The following DOK6 variants were observed in gnomAD, a reference collection of about 807,000 sequenced individuals.
DOK6 encodes docking protein 6.
A neutral mutation model predicts 44.0 loss-of-function variants in DOK6; 22 were observed. The ratio of observed to expected loss-of-function variants is 0.50; its 90% CI spans 0.36 to 0.71. The LOEUF (loss-of-function observed/expected upper bound fraction) is 0.71, where lower values mean the gene tolerates loss of function less well. Ranked by LOEUF, DOK6 falls within the 30% of genes least tolerant of loss-of-function variation. The pLI, the probability that DOK6 is intolerant of heterozygous loss-of-function variation, is 0.00. For missense variants in DOK6, 340 were observed against 416.4 expected (o/e 0.82, Z 1.60); for synonymous variants, 166 against 145.5 (o/e 1.14, Z -1.01).
chr18:69,455,760 C>T (rs1013454555), intron 1 of DOK6, among the ~76,000 whole-genome samples: 3 of 152,136 alleles, frequency 2.0e-5, no homozygotes, highest in Admixed American at 2.0e-4. Flanking sequence ...GGCAGTCCTT[C>T]TCCTTCAGTA....
chr18:69,456,920 A>AT (rs574243101), intron 1 of DOK6, among the ~76,000 whole-genome samples: 66 of 151,960 alleles, frequency 4.3e-4, no homozygotes, highest in Non-Finnish European at 9.0e-4. Flanking sequence ...AGCATTTTTC[A>AT]TGTTTGTTGG....
At chr18:69,458,003 C>T (rs867336146) in intron 1 of DOK6, among the ~76,000 whole-genome samples, 28 of 152,090 alleles carry the variant, frequency 1.8e-4, no homozygotes, top group South Asian at 2.1e-4. Context: ...ATTTGCTGGG[C>T]GTGGTGGCGC....
intron 3 of DOK6, among the ~76,000 whole-genome samples, chr18:69,631,272 G>C (rs1482493063): frequency 2.0e-5 from 3 of 152,156 alleles, no homozygotes; most frequent in Non-Finnish European, 2.9e-5. Flanking sequence ...TTAGGGATTT[G>C]GAGATGATGT....
chr18:69,704,645 A>AT (rs1410836466), intron 5 of DOK6, among the ~76,000 whole-genome samples: 11 of 151,652 alleles, frequency 7.3e-5, no homozygotes, highest in Non-Finnish European at 5.9e-5. Context: ...TGCCCAGCTA[A>AT]TTTTTTTGTA....
rs1205970587 is a variant in DOK6, at chr18:69,677,647, T to C, written c.290-87T>C. On this transcript the variant is annotated intron_variant, in intron 3 of 7. Transcript: ENST00000382713. ...AAGGCAGGTTCTTAACTCTTGCCAG[T>C]TACCTGGGAAAACAGTTAAGGAAAT... 2.5e-6 allele frequency: 4 copies of C among 1,597,618 alleles called. No individual in the cohort carries two copies. In the Admixed American group the frequency reaches 6.7e-5, roughly 27 times the overall value.
intron 2 of DOK6, among the ~76,000 whole-genome samples, chr18:69,589,099 T>C (rs947793133): frequency 2.6e-5 from 4 of 152,164 alleles, no homozygotes; most frequent in African/African-American, 4.8e-5. Flanking sequence ...AAAGCAATAG[T>C]AAAATTTCTA....
At position 69,738,953 on chromosome 18, in the gene DOK6, C is replaced by T; in HGVS notation, c.600-12C>T. 1 of 1,613,556 alleles carries T rather than the reference C, an allele frequency of 6.2e-7. No homozygotes were observed. Among genetic ancestry groups the T allele is most frequent in the Non-Finnish European group, 8.5e-7 (1 of 1,179,658 alleles). On this transcript the variant is annotated splice_polypyrimidine_tract_variant and intron_variant, in intron 5 of 7. Coordinates refer to ENST00000382713, the MANE Select transcript of DOK6 (RefSeq NM_152721.6). Reference sequence around the variant, plus strand: ...TGGAGACCCATCTCTTTCCCTATCTCTATTCTCACAGAATGTGTGACACAG... The same window carrying T: ...TGGAGACCCATCTCTTTCCCTATCTTTATTCTCACAGAATGTGTGACACAG...
intron 5 of DOK6, among the ~76,000 whole-genome samples, chr18:69,704,339 C>T (rs1599273773): frequency 6.6e-6 from 1 of 152,124 alleles, no homozygotes; most frequent in Non-Finnish European, 1.5e-5. Flanking sequence ...GATCCCTTTT[C>T]TCTCTTCTTC....
intron 3 of DOK6, among the ~76,000 whole-genome samples, chr18:69,656,191 A>C (rs1490388461): frequency 6.6e-6 from 1 of 152,218 alleles, no homozygotes; most frequent in Non-Finnish European, 1.5e-5. Flanking sequence ...TACTCTAAAA[A>C]ATTTTGTAAT....
intron 6 of DOK6, among the ~76,000 whole-genome samples, chr18:69,757,196 CA>C (rs1413783915): frequency 4.6e-5 from 7 of 151,984 alleles, no homozygotes; most frequent in African/African-American, 1.5e-4. Context: ...GATTCTATAA[CA>C]GGGGCAAGGA....
chr18:69,536,979 C>CATTATT (rs6146369), intron 1 of DOK6, among the ~76,000 whole-genome samples: 37,881 of 144,630 alleles, frequency 0.26, 5,414 homozygotes, highest in Middle Eastern at 0.34. Flanking sequence ...GAAGATTTAT[C>CATTATT]ATTATTATTA....
At chr18:69,446,433 C>T (rs866051126) in intron 1 of DOK6, among the ~76,000 whole-genome samples, 1 of 152,014 alleles carries the variant, frequency 6.6e-6, no homozygotes, top group Non-Finnish European at 1.5e-5. Flanking sequence ...ATATGTGCCA[C>T]ATTTTCTTAA....
chr18:69,794,891 A>T (rs1367216517), intron 7 of DOK6, among the ~76,000 whole-genome samples: 1 of 152,168 alleles, frequency 6.6e-6, no homozygotes, highest in African/African-American at 2.4e-5. Context: ...CTAATGCCTG[A>T]TGATCTGTCA....
intron 6 of DOK6, among the ~76,000 whole-genome samples, chr18:69,752,633 A>T (rs1382011823): frequency 1.3e-5 from 2 of 152,226 alleles, no homozygotes; most frequent in Non-Finnish European, 2.9e-5. Context: ...AGAGATAGGA[A>T]GAGTAGAGAC....
At chr18:69,541,016 A>G (rs966720384) in intron 1 of DOK6, among the ~76,000 whole-genome samples, 4 of 152,164 alleles carry the variant, frequency 2.6e-5, no homozygotes, top group African/African-American at 9.7e-5. Flanking sequence ...GGAAGAAAAG[A>G]GTGTGTATGT....
At chr18:69,674,393 T>A (rs1279434313) in intron 3 of DOK6, among the ~76,000 whole-genome samples, 1 of 152,192 alleles carries the variant, frequency 6.6e-6, no homozygotes, top group Non-Finnish European at 1.5e-5. Flanking sequence ...GAACTGATAC[T>A]GTTTCTCACA....
At chr18:69,714,305 C>T (rs1986834255) in intron 5 of DOK6, among the ~76,000 whole-genome samples, 1 of 152,156 alleles carries the variant, frequency 6.6e-6, no homozygotes, top group South Asian at 2.1e-4. Flanking sequence ...CTAGTGCAGA[C>T]CTGGTGTAGT....
At chr18:69,613,873 A>G (rs1439626571) in intron 3 of DOK6, among the ~76,000 whole-genome samples, 3 of 151,518 alleles carry the variant, frequency 2.0e-5, no homozygotes, top group Non-Finnish European at 4.4e-5. Context: ...AATTGAATAA[A>G]TTCTTCCACA....
chr18:69,500,644 TTTAAGTAAATA>T (rs1568277732), intron 1 of DOK6, among the ~76,000 whole-genome samples: 5 of 152,172 alleles, frequency 3.3e-5, no homozygotes, highest in African/African-American at 1.2e-4. Flanking sequence ...AGTTCAATCA[TTTAAGTAAATA>T]TTAATGTATG....
Sources: allele counts gnomAD v4.1 joint callset (sites outside exome capture counted in the v4.1 genomes callset), GRCh38; gene constraint gnomAD v4.1.1; transcripts MANE v1.5; gene names NCBI Gene and HGNC (gene_info 2026-07-23, HGNC 2026-07-21).